The following UBE2H variants were observed in gnomAD, a reference collection of about 807,000 sequenced individuals.
UBE2H encodes ubiquitin conjugating enzyme E2 H.
UBE2H carries 3 observed loss-of-function variants against 29.0 expected under a neutral mutation model. That is an observed-to-expected ratio of 0.10 (90% CI 0.05 to 0.27). The LOEUF is 0.27. UBE2H is among the 10% of genes least tolerant of loss of function. The probability of loss-of-function intolerance (pLI) is 1.00; values close to 1 mark genes in which losing one functional copy is unlikely to be tolerated. For synonymous variants in UBE2H, 69 were observed against 82.9 expected (o/e 0.83, Z 0.91); for missense variants, 68 against 228.2 (o/e 0.30, Z 4.52).
chr7:129,877,905 GTTTCC>G, intron 3 of UBE2H, among the ~76,000 whole-genome samples: 1 of 152,124 alleles, frequency 6.6e-6, no homozygotes, highest in Non-Finnish European at 1.5e-5. Flanking sequence ...AAGCTCTATT[GTTTCC>G]TTTCTGACTA....
At chr7:129,940,598 C>T (rs986645467) in intron 1 of UBE2H, among the ~76,000 whole-genome samples, 2 of 152,198 alleles carry the variant, frequency 1.3e-5, no homozygotes, top group Non-Finnish European at 2.9e-5. Flanking sequence ...GCCTACATAA[C>T]GTCCTAGATA....
intron 1 of UBE2H, among the ~76,000 whole-genome samples, chr7:129,919,673 G>A (rs982470563): frequency 4.6e-5 from 7 of 152,116 alleles, no homozygotes; most frequent in Admixed American, 2.6e-4. Flanking sequence ...ATTGCACCCC[G>A]TTGTGTGTCC....
At chr7:129,929,126 C>G (rs956059517) in intron 1 of UBE2H, among the ~76,000 whole-genome samples, 2 of 151,962 alleles carry the variant, frequency 1.3e-5, no homozygotes. Flanking sequence ...TGAGACCAGC[C>G]TGAACAACAT....
rs55634556 is a variant in UBE2H, at chr7:129,832,751, ATTT to A, written c.*2183_*2185del. On this transcript the variant is annotated 3_prime_UTR_variant, in exon 7 of 7. Transcript: ENST00000355621. The stretch of plus-strand genomic sequence containing the variant: ...CAAAAGCAATTCTTAACTGGTCATT[ATTT>A]TTTTTTAAGGTAATTAGAACACTAT... 1 of 151,424 alleles carries A rather than the reference ATTT, an allele frequency of 6.6e-6. No homozygotes were observed. Among genetic ancestry groups the A allele is most frequent in the Non-Finnish European group, 1.5e-5 (1 of 67,810 alleles). 9.4% of individuals were successfully genotyped at this position (151,424 alleles called of 1,614,324 possible). A position where few individuals can be genotyped will look rare whatever the true frequency, so the allele number is the denominator to read the frequency against.
At chr7:129,944,955 A>T (rs1807733447) in intron 1 of UBE2H, among the ~76,000 whole-genome samples, 1 of 147,370 alleles carries the variant, frequency 6.8e-6, no homozygotes, top group African/African-American at 2.6e-5. Flanking sequence ...ACTCAGCAAT[A>T]AAAAAAAAAT....
At position 129,952,615 on chromosome 7, in the gene UBE2H, C is replaced by G. The variant is rs1009671171; in HGVS notation, c.-60G>C. 2.5e-6 allele frequency: 4 copies of G among 1,579,508 alleles called. No homozygotes were observed. Among genetic ancestry groups the G allele is most frequent in the African/African-American group, 2.7e-5 (2 of 73,236 alleles). ...GTCTGTCACGGGCCCGGGGCCCCGG[C>G]TCTGAGGAGCCCGCGGCCGCGCCGG... On this transcript the variant is annotated 5_prime_UTR_variant, in exon 1 of 7. Transcript: ENST00000355621.
At chr7:129,919,100 T>TAAAAAAAAAAAAAAAAAAAAAA (rs1204331286) in intron 1 of UBE2H, among the ~76,000 whole-genome samples, 5 of 72,118 alleles carry the variant, frequency 6.9e-5, no homozygotes, top group Admixed American at 1.7e-4. Flanking sequence ...AAAAACAAAG[T>TAAAAAAAAAAAAAAAAAAAAAA]AAAAAAAAAA....
chr7:129,891,953 C>CTTTTTTTTTTT (rs753851134), intron 1 of UBE2H, among the ~76,000 whole-genome samples: 4,386 of 126,692 alleles, frequency 0.035, 146 homozygotes, highest in Non-Finnish European at 0.058. Flanking sequence ...CATGCTACAC[C>CTTTTTTTTTTT]TTTTTTTTTT....
At chr7:129,860,719 T>G (rs182061416) in intron 3 of UBE2H, among the ~76,000 whole-genome samples, 26 of 152,248 alleles carry the variant, frequency 1.7e-4, no homozygotes, top group African/African-American at 3.1e-4. Context: ...GTTTTGTTTT[T>G]TTTTTTTAAG....
At chr7:129,949,759 C>T (rs1807836684) in intron 1 of UBE2H, among the ~76,000 whole-genome samples, 1 of 152,170 alleles carries the variant, frequency 6.6e-6, no homozygotes, top group East Asian at 1.9e-4. Context: ...CCTACCCCCA[C>T]ACTGCTACTT....
chr7:129,914,271 G>A (rs565971314), intron 1 of UBE2H, among the ~76,000 whole-genome samples: 2 of 152,080 alleles, frequency 1.3e-5, no homozygotes, highest in East Asian at 1.9e-4. Flanking sequence ...AGGTTCAAGC[G>A]ATTCTCCTGC....
At chr7:129,944,002 G>A (rs373427865) in intron 1 of UBE2H, among the ~76,000 whole-genome samples, 1 of 152,124 alleles carries the variant, frequency 6.6e-6, no homozygotes, top group Non-Finnish European at 1.5e-5. Context: ...ATAAAATAAG[G>A]TTAATAATAA....
At chr7:129,935,611 C>T (rs1389230310) in intron 1 of UBE2H, among the ~76,000 whole-genome samples, 3 of 152,092 alleles carry the variant, frequency 2.0e-5, no homozygotes, top group African/African-American at 7.2e-5. Context: ...GCAATGCCAT[C>T]TAATCTATTG....
intron 2 of UBE2H, 141 bp downstream of exon 2, chr7:129,880,754 G>C: frequency 1.5e-6 from 1 of 669,478 alleles, no homozygotes; most frequent in South Asian, 2.1e-5. Flanking sequence ...TGTGATAAGA[G>C]AAAGATTTCC....
At chr7:129,842,897 C>T (rs557399464) in intron 5 of UBE2H, among the ~76,000 whole-genome samples, 1 of 151,334 alleles carries the variant, frequency 6.6e-6, no homozygotes, top group Non-Finnish European at 1.5e-5. Flanking sequence ...GAGCAAAACT[C>T]TATCTCAAAA....
intron 3 of UBE2H, among the ~76,000 whole-genome samples, chr7:129,870,538 T>C (rs1427551040): frequency 5.9e-5 from 9 of 152,314 alleles, no homozygotes; most frequent in African/African-American, 1.4e-4. Context: ...ATTATGCCAC[T>C]GCAGTCCAGC....
intron 3 of UBE2H, among the ~76,000 whole-genome samples, chr7:129,871,334 T>C (rs1450443896): frequency 6.6e-6 from 1 of 152,254 alleles, no homozygotes; most frequent in Non-Finnish European, 1.5e-5. Context: ...CAATGGCTTA[T>C]ATTCTCATAG....
At chr7:129,888,262 T>C (rs1806403826) in intron 1 of UBE2H, among the ~76,000 whole-genome samples, 1 of 152,220 alleles carries the variant, frequency 6.6e-6, no homozygotes, top group Non-Finnish European at 1.5e-5. Flanking sequence ...ATGAGCATTA[T>C]CTTGGGAAAG....
At chr7:129,937,616 T>C (rs991836654) in intron 1 of UBE2H, among the ~76,000 whole-genome samples, 2 of 152,182 alleles carry the variant, frequency 1.3e-5, no homozygotes, top group Non-Finnish European at 2.9e-5. Flanking sequence ...TATACTCACA[T>C]ATATGGCATT....
Sources: allele counts gnomAD v4.1 joint callset (sites outside exome capture counted in the v4.1 genomes callset), GRCh38; gene constraint gnomAD v4.1.1; transcripts MANE v1.5; gene names NCBI Gene and HGNC (gene_info 2026-07-23, HGNC 2026-07-21).